KCND3: variants seen among roughly 807,000 people sequenced by gnomAD.
KCND3 encodes the protein A-type voltage-gated potassium channel KCND3.
KCND3 carries 9 observed loss-of-function variants against 51.1 expected under a neutral mutation model. The observed-to-expected ratio is 0.18, with a 90% confidence interval of 0.11 to 0.31. The LOEUF (loss-of-function observed/expected upper bound fraction) is 0.31. Ranked by LOEUF, KCND3 falls within the 10% of genes least tolerant of loss-of-function variation. The pLI, the probability that KCND3 is intolerant of heterozygous loss-of-function variation, is 1.00. For missense variants in KCND3, 526 were observed against 903.8 expected (o/e 0.58, Z 5.36); for synonymous variants, 349 against 368.0 (o/e 0.95, Z 0.59).
intron 2 of KCND3, among the ~76,000 whole-genome samples, chr1:111,811,596 C>G (rs17028659): frequency 0.082 from 12,424 of 152,130 alleles, 888 homozygotes; most frequent in African/African-American, 0.18. Flanking sequence ...CTGGGTGAAT[C>G]CCACTTACTG....
Position 111,982,870 on chromosome 1 carries a change from A to AAAGG in KCND3, c.-72-76_-72-73dup. The AAAGG allele has an allele frequency of 1.7e-6, 2 of 1,180,386 alleles. No individual in the cohort carries two copies. Among genetic ancestry groups the AAAGG allele is most frequent in the Non-Finnish European group, 2.4e-6 (2 of 829,322 alleles). The allele number at this position is 1,180,386 out of a possible 1,614,324, so 73.1% of individuals were successfully genotyped here. ...TGGCAGGTAAGAAATGGGACACAGG[A>AAAGG]AAGGATCACTGGTGAGTGAAACGGC... On this transcript the variant is annotated intron_variant, in intron 1 of 7. Coordinates refer to ENST00000302127, the MANE Select transcript of KCND3 (RefSeq NM_001378969.1). The surrounding 1 kb of genome is among the most constrained non-coding windows in gnomAD (Gnocchi z 8.5).
chr1:111,798,195 G>A (rs1297557389), intron 2 of KCND3, among the ~76,000 whole-genome samples: 1 of 152,116 alleles, frequency 6.6e-6, no homozygotes, highest in Non-Finnish European at 1.5e-5. Context: ...ATTGTCACAT[G>A]CTTCTGCCAC....
intron 2 of KCND3, chr1:111,910,975 T>C (rs551018186): frequency 3.1e-4 from 47 of 152,384 alleles, no homozygotes; most frequent in African/African-American, 1.0e-3. Flanking sequence ...TCATCGTGAA[T>C]AGACCTATGG....
intron 2 of KCND3, among the ~76,000 whole-genome samples, chr1:111,951,289 C>G (rs1237617210): frequency 6.6e-6 from 1 of 151,160 alleles, no homozygotes; most frequent in Non-Finnish European, 1.5e-5. Context: ...GTGGCCCAGA[C>G]AGGATTCAAA....
At chr1:111,891,012 T>C (rs941250417) in intron 2 of KCND3, among the ~76,000 whole-genome samples, 1 of 152,166 alleles carries the variant, frequency 6.6e-6, no homozygotes, top group African/African-American at 2.4e-5. Flanking sequence ...ACTGACAGGC[T>C]GCATGGCAGA....
chr1:111,870,560 T>C lies in KCND3; in HGVS notation c.1107-83454A>G, dbSNP rs536366367. On this transcript the variant is annotated intron_variant, in intron 2 of 7. Coordinates refer to ENST00000302127, the MANE Select transcript of KCND3 (RefSeq NM_001378969.1). ...AGCATCAGGGATCCAAGGAGGGCAC[T>C]GCTTGGAGAGCTATCAGCTAGGGTG... Among the ~76,000 whole-genome samples the C allele has an allele frequency of 7.5e-4, 114 of 152,314 alleles. 1 individual carries two copies. The highest frequency in any genetic ancestry group is 2.6e-3 in the African/African-American group (107 of 41,574).
At chr1:111,803,065 G>C (rs1665392401) in intron 2 of KCND3, among the ~76,000 whole-genome samples, 1 of 152,240 alleles carries the variant, frequency 6.6e-6, no homozygotes, top group African/African-American at 2.4e-5. Context: ...ACACCTGCCT[G>C]CGAAGGACAG....
chr1:111,883,189 G>A (rs962331626), intron 2 of KCND3, among the ~76,000 whole-genome samples: 3 of 152,234 alleles, frequency 2.0e-5, no homozygotes, highest in African/African-American at 7.2e-5. Flanking sequence ...TGTCCTCTAA[G>A]CACTTGCCAC....
intron 2 of KCND3, among the ~76,000 whole-genome samples, chr1:111,866,579 A>AC (rs1668581640): frequency 1.6e-5 from 2 of 126,742 alleles, no homozygotes; most frequent in Non-Finnish European, 3.2e-5. Context: ...TGTTTCTTTA[A>AC]ACACACACAC....
At chr1:111,877,845 CAACTAGCAGA>C (rs1393764819) in intron 2 of KCND3, among the ~76,000 whole-genome samples, 1 of 152,162 alleles carries the variant, frequency 6.6e-6, no homozygotes, top group Admixed American at 6.5e-5. Context: ...GGTGGATATT[CAACTAGCAGA>C]AAACCAAATC....
chr1:111,811,758 A>G (rs1262920932), intron 2 of KCND3, among the ~76,000 whole-genome samples: 1 of 152,226 alleles, frequency 6.6e-6, no homozygotes, highest in Admixed American at 6.5e-5. Context: ...CCATTATGGT[A>G]TGACTAAAAT....
intron 2 of KCND3, among the ~76,000 whole-genome samples, chr1:111,967,167 AAAAAC>A (rs1674049866): frequency 6.6e-6 from 1 of 151,704 alleles, no homozygotes; most frequent in Non-Finnish European, 1.5e-5. Context: ...AAACAAAAAA[AAAAAC>A]AAAACAAAAA....
intron 2 of KCND3, among the ~76,000 whole-genome samples, chr1:111,888,040 C>T (rs572118852): frequency 1.3e-5 from 2 of 152,354 alleles, no homozygotes; most frequent in Admixed American, 1.3e-4. Flanking sequence ...GCTGGGTGTA[C>T]CAGAGTGATG....
rs1445984768 is a variant in KCND3, at chr1:111,871,087, T to C, written c.1107-83981A>G. Among the ~76,000 whole-genome samples the C allele has an allele frequency of 1.3e-5, 2 of 152,040 alleles. 1 individual carries two copies. Among genetic ancestry groups the C allele is most frequent in the South Asian group, 4.2e-4 (2 of 4,810 alleles). On this transcript the variant is annotated intron_variant, in intron 2 of 7. Transcript: ENST00000302127. ...GGAATGGGGGCATATGTGAGGCACA[T>C]TGAGATATCAGAGGGTTGTGGTGAA...
In KCND3 at chr1:111,928,359, C is replaced by T. The variant is rs372802875; in HGVS notation, c.1106+53262G>A. Among the ~76,000 whole-genome samples the T allele has an allele frequency of 1.9e-4, 29 of 152,272 alleles. No homozygotes were observed. The South Asian group carries it at 5.8e-3, about 30-fold the overall frequency. Reference sequence around the variant, plus strand: ...CTCGGAGTCTCAGCTGATGGGATACCTGCTTTTAAAGATCTCCAAGTCCCT... The same window carrying T: ...CTCGGAGTCTCAGCTGATGGGATACTTGCTTTTAAAGATCTCCAAGTCCCT... On this transcript the variant is annotated intron_variant, in intron 2 of 7. Coordinates refer to ENST00000302127, the MANE Select transcript of KCND3 (RefSeq NM_001378969.1).
chr1:111,982,095 G>C lies in KCND3; in HGVS notation c.632C>G (p.Pro211Arg). ...VVETVPCGTV[P>R]GSKELPCGER... ...CCCGCACGGCAGCTCCTTGCTGCCCGGGACCGTGCCGCACGGCACCGTCTC... is the reference window on the plus strand; with the variant it reads ...CCCGCACGGCAGCTCCTTGCTGCCCCGGACCGTGCCGCACGGCACCGTCTC... Residue 211 changes from proline to arginine, a missense_variant, in exon 2 of 8, where the codon CCG becomes CGG. Physicochemically the swap from Pro to Arg is moderately radical, Grantham distance 103. This residue lies in a region of KCND3 where 51 missense variants were observed against 84.7 expected (regional missense o/e 0.60). Transcript: ENST00000302127. The surrounding 1 kb of genome is among the most constrained non-coding windows in gnomAD (Gnocchi z 8.5). 6.2e-7 allele frequency: 1 copy of C among 1,613,658 alleles called. No homozygotes were observed. Among genetic ancestry groups the C allele is most frequent in the Non-Finnish European group, 8.5e-7 (1 of 1,179,954 alleles).
rs1415376536 is a variant in KCND3 at position 111,780,829 on chromosome 1, C to G, written c.1270-38G>C. On this transcript the variant is annotated intron_variant, in intron 3 of 7. Coordinates refer to ENST00000302127, the MANE Select transcript of KCND3 (RefSeq NM_001378969.1). The surrounding 1 kb of genome is among the most constrained non-coding windows in gnomAD (Gnocchi z 4.2). ...GAGATAATAAAAGAATGAGGCAGAC[C>G]ATGATACAAAAAGACAGCAAGGCTG... 3.9e-6 allele frequency: 6 copies of G among 1,545,866 alleles called. No homozygotes were observed. The highest frequency in any genetic ancestry group is 5.3e-6 in the Non-Finnish European group (6 of 1,127,640).
intron 2 of KCND3, among the ~76,000 whole-genome samples, chr1:111,789,574 A>G (rs1664745230): frequency 6.6e-6 from 1 of 152,190 alleles, no homozygotes; most frequent in African/African-American, 2.4e-5. Flanking sequence ...GAGATGGAAA[A>G]CGGCTGTATT....
At position 111,778,507 on chromosome 1, in the gene KCND3, G is replaced by T. The variant is rs184287364; in HGVS notation, c.1462-15C>A. 4 of 1,612,344 alleles carry T rather than the reference G, an allele frequency of 2.5e-6. No individual in the cohort carries two copies. Among genetic ancestry groups the T allele is most frequent in the Non-Finnish European group, 2.5e-6 (3 of 1,178,386 alleles). Reference sequence around the variant, plus strand: ...TAGGACAACCCCTACAGGACAACATGCCAACAGAAGATAAAAACACCATTG... The same window carrying T: ...TAGGACAACCCCTACAGGACAACATTCCAACAGAAGATAAAAACACCATTG... On this transcript the variant is annotated splice_polypyrimidine_tract_variant and intron_variant, in intron 5 of 7. Coordinates refer to ENST00000302127, the MANE Select transcript of KCND3 (RefSeq NM_001378969.1).
Sources: allele counts gnomAD v4.1 joint callset (sites outside exome capture counted in the v4.1 genomes callset), GRCh38; gene constraint gnomAD v4.1.1; regional missense constraint gnomAD v4.1.1; non-coding constraint Gnocchi (gnomAD v3.1); transcripts MANE v1.5; gene names NCBI Gene and HGNC (gene_info 2026-07-23, HGNC 2026-07-21).